Variants in NALF1 observed in about 807,000 individuals in gnomAD.
The protein encoded by NALF1 is NALCN channel auxiliary factor 1.
A neutral mutation model predicts 48.4 loss-of-function variants in NALF1; 3 were observed. That is an observed-to-expected ratio of 0.06 (90% CI 0.03 to 0.16). The LOEUF (loss-of-function observed/expected upper bound fraction) is 0.16. Ranked by LOEUF, NALF1 falls within the 10% of genes least tolerant of loss-of-function variation. The pLI, the probability that NALF1 is intolerant of heterozygous loss-of-function variation, is 1.00. For synonymous variants in NALF1, 262 were observed against 245.7 expected (o/e 1.07, Z -0.62); for missense variants, 526 against 571.5 (o/e 0.92, Z 0.81).
rs114881814 is a variant in NALF1, at chr13:107,706,502, T to C, written c.915+159180A>G. Among the ~76,000 whole-genome samples the C allele has an allele frequency of 7.7e-3, 1,168 of 152,352 alleles. 24 individuals carry two copies. The highest frequency in any genetic ancestry group is 0.026 in the African/African-American group (1,091 of 41,584). On this transcript the variant is annotated intron_variant, in intron 1 of 2. Coordinates refer to ENST00000375915, the MANE Select transcript of NALF1 (RefSeq NM_001080396.3). The stretch of plus-strand genomic sequence containing the variant: ...TAGATTTTCTTATCATATTTATTTC[T>C]TCATGTCTAATCTGCCTGTTCTTCA...
chr13:107,763,203 A>G (rs1877315744), intron 1 of NALF1, among the ~76,000 whole-genome samples: 1 of 152,156 alleles, frequency 6.6e-6, no homozygotes, highest in African/African-American at 2.4e-5. Context: ...GAGAAAATCA[A>G]TATCCCCGCA....
At chr13:107,372,001 C>T (rs1235721746) in intron 1 of NALF1, among the ~76,000 whole-genome samples, 1 of 152,120 alleles carries the variant, frequency 6.6e-6, no homozygotes, top group Non-Finnish European at 1.5e-5. Context: ...CCCGAAGAGG[C>T]CGTGATTCTG....
chr13:107,401,551 T>G (rs1883807770), intron 1 of NALF1, among the ~76,000 whole-genome samples: 2 of 152,220 alleles, frequency 1.3e-5, no homozygotes, highest in African/African-American at 4.8e-5. Flanking sequence ...CAAATTATTA[T>G]TTTGTCAAAT....
chr13:107,727,140 A>G (rs1236567333), intron 1 of NALF1, among the ~76,000 whole-genome samples: 1 of 152,128 alleles, frequency 6.6e-6, no homozygotes, highest in Non-Finnish European at 1.5e-5. Flanking sequence ...AGGATATCGC[A>G]TATTTAAGGC....
chr13:107,694,573 G>A (rs1313917086), intron 1 of NALF1, among the ~76,000 whole-genome samples: 1 of 152,112 alleles, frequency 6.6e-6, no homozygotes, highest in African/African-American at 2.4e-5. Flanking sequence ...TTTAGGTACT[G>A]TTAAATCACT....
At chr13:107,435,625 C>T (rs968655114) in intron 1 of NALF1, among the ~76,000 whole-genome samples, 1 of 152,098 alleles carries the variant, frequency 6.6e-6, no homozygotes, top group African/African-American at 2.4e-5. Context: ...AGTACTTGAG[C>T]TTTTTTACTT....
chr13:107,421,125 A>G (rs910215594), intron 1 of NALF1, among the ~76,000 whole-genome samples: 2 of 152,164 alleles, frequency 1.3e-5, no homozygotes, highest in Non-Finnish European at 2.9e-5. Flanking sequence ...CTTCGGGGCA[A>G]GGCACCCTCT....
At chr13:107,729,013 T>A (rs1048103629) in intron 1 of NALF1, among the ~76,000 whole-genome samples, 2 of 152,188 alleles carry the variant, frequency 1.3e-5, no homozygotes, top group African/African-American at 4.8e-5. Flanking sequence ...TTGCATAGAA[T>A]GGCAATTTAA....
chr13:107,238,722 A>G (rs1011814399), intron 1 of NALF1, among the ~76,000 whole-genome samples: 1 of 152,234 alleles, frequency 6.6e-6, no homozygotes, highest in Non-Finnish European at 1.5e-5. Context: ...GTAGGCTGAT[A>G]ATATCAAATA....
chr13:107,724,800 CA>C (rs1214868809), intron 1 of NALF1, among the ~76,000 whole-genome samples: 2 of 152,078 alleles, frequency 1.3e-5, no homozygotes, highest in Non-Finnish European at 2.9e-5. Context: ...AGGCTGGTCT[CA>C]AACTCCTGAG....
intron 1 of NALF1, among the ~76,000 whole-genome samples, chr13:107,471,079 C>G (rs183277343): frequency 1.3e-5 from 2 of 152,266 alleles, no homozygotes; most frequent in East Asian, 3.9e-4. Context: ...TCACTCTTAT[C>G]CAAACCCATT....
intron 1 of NALF1, among the ~76,000 whole-genome samples, chr13:107,365,835 T>C (rs1294342897): frequency 6.6e-6 from 1 of 152,190 alleles, no homozygotes; most frequent in Non-Finnish European, 1.5e-5. Context: ...AAAATATATT[T>C]TGCCTACTCC....
chr13:107,629,805 TATGA>T lies in NALF1; in HGVS notation c.915+235873_915+235876del, dbSNP rs529667126. On this transcript the variant is annotated intron_variant, in intron 1 of 2. Transcript: ENST00000375915. ...TCTTAAATATATTACTTGAGATATA[TATGA>T]ATGAACTATTATATGTATGTGTATG... Among the ~76,000 whole-genome samples the T allele has an allele frequency of 3.5e-3, 527 of 152,294 alleles. 4 individuals carry two copies. Among genetic ancestry groups the T allele is most frequent in the African/African-American group, 0.011 (477 of 41,558 alleles).
chr13:107,383,240 C>G (rs1370246621), intron 1 of NALF1, among the ~76,000 whole-genome samples: 2 of 152,172 alleles, frequency 1.3e-5, no homozygotes, highest in Admixed American at 1.3e-4. Flanking sequence ...TTATCTAATA[C>G]ACAACTTTAG....
At chr13:107,465,963 G>C (rs917685906) in intron 1 of NALF1, 4 of 152,884 alleles carry the variant, frequency 2.6e-5, no homozygotes, top group Non-Finnish European at 4.4e-5. Flanking sequence ...TGCTGATAAA[G>C]ACATACCTGA....
intron 1 of NALF1, among the ~76,000 whole-genome samples, chr13:107,589,107 T>A (rs1303394131): frequency 1.3e-5 from 2 of 152,066 alleles, no homozygotes; most frequent in Non-Finnish European, 2.9e-5. Flanking sequence ...GAGTAGCGTA[T>A]ACAATGAATT....
intron 1 of NALF1, among the ~76,000 whole-genome samples, chr13:107,383,317 GA>G (rs1449754220): frequency 6.6e-6 from 1 of 152,118 alleles, no homozygotes; most frequent in African/African-American, 2.4e-5. Context: ...TTTATAACCT[GA>G]AAATGAGCTA....
At chr13:107,436,687 T>C (rs991001852) in intron 1 of NALF1, among the ~76,000 whole-genome samples, 1 of 152,170 alleles carries the variant, frequency 6.6e-6, no homozygotes, top group Non-Finnish European at 1.5e-5. Context: ...GGATGTCCAC[T>C]TTCATCACTT....
chr13:107,269,524 G>A (rs1881111806), intron 1 of NALF1, among the ~76,000 whole-genome samples: 1 of 152,150 alleles, frequency 6.6e-6, no homozygotes, highest in Admixed American at 6.5e-5. Flanking sequence ...ATCAAGGTTT[G>A]AACTTATTTG....
Sources: gnomAD v4.1 joint callset for allele counts (sites outside exome capture counted in the v4.1 genomes callset) on GRCh38, gnomAD v4.1.1 for gene constraint, MANE v1.5 for transcripts, NCBI Gene and HGNC (gene_info 2026-07-23, HGNC 2026-07-21) for gene names.